ABCB4: variants seen among roughly 807,000 people sequenced by gnomAD.
ABCB4 encodes phosphatidylcholine translocator ABCB4.
Under a neutral mutation model 145.7 loss-of-function variants are expected in ABCB4, and 76 were observed. That is an observed-to-expected ratio of 0.52 (90% CI 0.43 to 0.63). The LOEUF is 0.63. ABCB4 is among the 30% of genes least tolerant of loss of function. ABCB4 has a pLI of 0.00. For synonymous variants in ABCB4, 517 were observed against 566.8 expected (o/e 0.91, Z 1.25); for missense variants, 1,234 against 1,553.1 (o/e 0.79, Z 3.45).
chr7:87,415,208 C>T (rs1808883371), intron 21 of ABCB4, among the ~76,000 whole-genome samples: 1 of 152,118 alleles, frequency 6.6e-6, no homozygotes, highest in East Asian at 1.9e-4. Flanking sequence ...GGCAGTCTTC[C>T]CTCCCCACTC....
chr7:87,395,378 C>T, the ABCB4 span, among the ~76,000 whole-genome samples: 1 of 152,188 alleles, frequency 6.6e-6, no homozygotes, highest in East Asian at 1.9e-4. Flanking sequence ...AAATGTTAAT[C>T]TCCTTTGGCA....
chr7:87,465,152 C>A (rs1411009114), intron 3 of ABCB4, among the ~76,000 whole-genome samples: 1 of 152,184 alleles, frequency 6.6e-6, no homozygotes, highest in Non-Finnish European at 1.5e-5. Context: ...CAGACGGCAC[C>A]TGGAAAATCG....
chr7:87,443,620 A>G (rs1242978886), intron 11 of ABCB4, 43 bp downstream of exon 11: 4 of 1,575,868 alleles, frequency 2.5e-6, no homozygotes, highest in Non-Finnish European at 3.5e-6. Flanking sequence ...TGATTCAACA[A>G]TCAACCTCAG....
the ABCB4 span, among the ~76,000 whole-genome samples, chr7:87,367,109 G>T: frequency 1.3e-5 from 2 of 152,202 alleles, no homozygotes; most frequent in African/African-American, 4.8e-5. Context: ...TAATATGTTA[G>T]GTTACATGGT....
At chr7:87,393,077 C>T in the ABCB4 span, 1 of 1,610,472 alleles carries the variant, frequency 6.2e-7, no homozygotes, top group Non-Finnish European at 8.5e-7. Flanking sequence ...GGTGAGGCTT[C>T]TCTTTTTTAT....
intron 15 of ABCB4, among the ~76,000 whole-genome samples, chr7:87,430,087 G>T (rs31671): frequency 2.6e-5 from 4 of 151,900 alleles, no homozygotes; most frequent in East Asian, 1.9e-4. Flanking sequence ...TAGAAACGAA[G>T]GCTCAGAAGA....
At chr7:87,416,808 G>A (rs928912325) in intron 21 of ABCB4, among the ~76,000 whole-genome samples, 6 of 152,228 alleles carry the variant, frequency 3.9e-5, no homozygotes, top group East Asian at 1.9e-4. Context: ...TAACTGGCAC[G>A]TAGTAAGGCT....
chr7:87,467,409 T>A (rs1812991382), intron 3 of ABCB4, among the ~76,000 whole-genome samples: 1 of 152,190 alleles, frequency 6.6e-6, no homozygotes. Flanking sequence ...AAGCAAGTCC[T>A]TAGATACCTA....
downstream of ABCB4, chr7:87,398,670 C>A: frequency 1.2e-6 from 2 of 1,605,370 alleles, no homozygotes; most frequent in Non-Finnish European, 1.7e-6. Flanking sequence ...TAAGCACTTA[C>A]CAAAACATAT....
chr7:87,470,815 C>A (rs1325645966), intron 3 of ABCB4, among the ~76,000 whole-genome samples: 1 of 152,156 alleles, frequency 6.6e-6, no homozygotes, highest in African/African-American at 2.4e-5. Flanking sequence ...TGTGGTGATT[C>A]CTCAAGGATC....
chr7:87,436,029 C>G (rs767317185), intron 14 of ABCB4, among the ~76,000 whole-genome samples: 3 of 152,146 alleles, frequency 2.0e-5, no homozygotes, highest in Non-Finnish European at 4.4e-5. Context: ...CTTAATGAAC[C>G]TGTACATCTG....
rs1354057364 is a variant in ABCB4 at position 87,417,444 on chromosome 7, A to G, written c.2550T>C (p.Phe850=). The change falls in exon 21 of 28, where the codon TTT becomes TTC. Residue 850 remains phenylalanine, a synonymous_variant. Coordinates refer to ENST00000649586, the MANE Select transcript of ABCB4 (RefSeq NM_000443.4). ...ATAGGGTTAACTGCCAACCGTAGAT[A>G]AATGATATGATAATACCAGTTCCAA... ...ANLGTGIIIS[F]IYGWQLTLLL... The G allele has an allele frequency of 1.2e-6, 2 of 1,614,194 alleles. No individual in the cohort carries two copies.
At chr7:87,376,694 GTGT>G in the ABCB4 span, among the ~76,000 whole-genome samples, 1 of 150,966 alleles carries the variant, frequency 6.6e-6, no homozygotes, top group African/African-American at 2.4e-5. Context: ...TTTTAATGCA[GTGT>G]TGTTCAAAGT....
the ABCB4 span, among the ~76,000 whole-genome samples, chr7:87,374,480 G>A: frequency 2.0e-5 from 3 of 151,996 alleles, no homozygotes; most frequent in Non-Finnish European, 4.4e-5. Context: ...GTACCATATG[G>A]AGAGAAACAG....
intron 24 of ABCB4, among the ~76,000 whole-genome samples, chr7:87,408,765 C>T (rs774208519): frequency 2.6e-5 from 4 of 152,160 alleles, no homozygotes; most frequent in African/African-American, 4.8e-5. Context: ...TATATTACAA[C>T]GTGTAGCATC....
intron 4 of ABCB4, among the ~76,000 whole-genome samples, chr7:87,462,313 A>G (rs1213095595): frequency 6.6e-6 from 1 of 151,920 alleles, no homozygotes; most frequent in Non-Finnish European, 1.5e-5. Context: ...AATGGGTATA[A>G]TTTTTTTTAA....
chr7:87,450,495 G>C (rs1811643065), intron 7 of ABCB4, among the ~76,000 whole-genome samples: 1 of 142,882 alleles, frequency 7.0e-6, no homozygotes, highest in Non-Finnish European at 1.5e-5. Context: ...TTTTGAGACG[G>C]GGTCTCACTC....
chr7:87,402,685 A>G (rs1414649116), intron 27 of ABCB4, among the ~76,000 whole-genome samples: 1 of 152,196 alleles, frequency 6.6e-6, no homozygotes, highest in Non-Finnish European at 1.5e-5. Context: ...AAAATTTAGA[A>G]TAAAATATTC....
At chr7:87,451,245 C>G (rs566002900) in intron 7 of ABCB4, among the ~76,000 whole-genome samples, 1 of 151,678 alleles carries the variant, frequency 6.6e-6, no homozygotes, top group South Asian at 2.1e-4. Context: ...AGCGATTCTC[C>G]TGTCTCAGCC....
Sources: allele counts gnomAD v4.1 joint callset (sites outside exome capture counted in the v4.1 genomes callset), GRCh38; gene constraint gnomAD v4.1.1; transcripts MANE v1.5; gene names NCBI Gene and HGNC (gene_info 2026-07-23, HGNC 2026-07-21).